Variants in TMEM181 observed in about 807,000 individuals in gnomAD.
The protein encoded by TMEM181 is G protein-coupled receptor 178.
Under a neutral mutation model 71.9 loss-of-function variants are expected in TMEM181, and 39 were observed. The ratio of observed to expected loss-of-function variants is 0.54; its 90% CI spans 0.42 to 0.71. The LOEUF is 0.71. Among genes scored for constraint, TMEM181 ranks in the 30% least tolerant of loss-of-function variants. The probability of loss-of-function intolerance (pLI) is 0.00; values close to 1 mark genes in which losing one functional copy is unlikely to be tolerated. For synonymous variants in TMEM181, 245 were observed against 228.8 expected (o/e 1.07, Z -0.64); for missense variants, 595 against 583.0 (o/e 1.02, Z -0.21).
At chr6:158,555,370 C>T (rs1460340030), upstream of TMEM181, among the ~76,000 whole-genome samples, 1 of 152,124 alleles carries the variant, frequency 6.6e-6, no homozygotes, top group Non-Finnish European at 1.5e-5. Flanking sequence ...AATTATTAGT[C>T]AGGCAAAACT....
intron 1 of TMEM181, among the ~76,000 whole-genome samples, chr6:158,538,505 A>G (rs868163136): frequency 2.0e-5 from 3 of 150,402 alleles, no homozygotes; most frequent in Middle Eastern, 3.4e-3. Context: ...CTTTGGCAAC[A>G]CAGCTAGTGA....
At chr6:158,549,206 C>T (rs1220321527) in intron 1 of TMEM181, among the ~76,000 whole-genome samples, 1 of 151,246 alleles carries the variant, frequency 6.6e-6, no homozygotes, top group Non-Finnish European at 1.5e-5. Flanking sequence ...CAACCTCCGC[C>T]TCCCGGGTTC....
intron 1 of TMEM181, among the ~76,000 whole-genome samples, chr6:158,543,984 G>T (rs1199172798): frequency 6.6e-6 from 1 of 152,164 alleles, no homozygotes; most frequent in Non-Finnish European, 1.5e-5. Context: ...GCTTAGATCG[G>T]CCGCTGTGCT....
chr6:158,572,278 G>A, intron 1 of TMEM181: 1 of 397,448 alleles, frequency 2.5e-6, no homozygotes, highest in Non-Finnish European at 5.1e-6. Context: ...GGACCGTGAA[G>A]CCAGTAACCT....
At chr6:158,626,740 A>T in intron 13 of TMEM181, 1 of 451,772 alleles carries the variant, frequency 2.2e-6, no homozygotes. Context: ...TCTCATACAC[A>T]TGGCCATACA....
At chr6:158,537,109 C>T (rs1338829021) in intron 1 of TMEM181, among the ~76,000 whole-genome samples, 1 of 151,956 alleles carries the variant, frequency 6.6e-6, no homozygotes, top group Admixed American at 6.6e-5. Flanking sequence ...CCGGCGCCCC[C>T]GGGCGAAGGG....
At chr6:158,540,896 C>G (rs887048628) in intron 1 of TMEM181, among the ~76,000 whole-genome samples, 1 of 152,178 alleles carries the variant, frequency 6.6e-6, no homozygotes, top group African/African-American at 2.4e-5. Context: ...GTAGCTGGTA[C>G]TACAGGCATG....
rs565231781 is a variant in TMEM181, at chr6:158,564,220, A to C, written c.8+3988A>C. ...AGGTTACTTGAAAAGGAAAGATTTTAGTGAGGGGCCAAACAGTGAATGTGA... is the reference window on the plus strand; with the variant it reads ...AGGTTACTTGAAAAGGAAAGATTTTCGTGAGGGGCCAAACAGTGAATGTGA... On this transcript the variant is annotated intron_variant, in intron 1 of 16. Coordinates refer to ENST00000684151, the MANE Select transcript of TMEM181 (RefSeq NM_001376852.1). Among the ~76,000 whole-genome samples the C allele has an allele frequency of 3.3e-5, 5 of 152,328 alleles. No homozygotes were observed. The South Asian group carries it at 1.0e-3, about 32-fold the overall frequency.
At chr6:158,626,648 T>G in intron 13 of TMEM181, 1 of 457,146 alleles carries the variant, frequency 2.2e-6, no homozygotes, top group Non-Finnish European at 4.4e-6. Context: ...TCATTCAGCA[T>G]CAAAAGTCAC....
At chr6:158,612,311 C>T (rs1785377280) in intron 10 of TMEM181, among the ~76,000 whole-genome samples, 3 of 152,168 alleles carry the variant, frequency 2.0e-5, no homozygotes, top group Admixed American at 2.0e-4. Context: ...ATTCCAGACC[C>T]TATAGTTATA....
intron 5 of TMEM181, among the ~76,000 whole-genome samples, chr6:158,587,896 C>T (rs897095181): frequency 2.6e-5 from 4 of 152,188 alleles, no homozygotes; most frequent in African/African-American, 7.2e-5. Flanking sequence ...CTTAAACTCG[C>T]AAGAGATGTT....
Position 158,620,134 on chromosome 6 carries a change from G to A in TMEM181, c.897-3416G>A, listed in dbSNP as rs370712878. Among the ~76,000 whole-genome samples, 1 of 152,158 alleles carries A rather than the reference G, an allele frequency of 6.6e-6. No homozygotes were observed. Among genetic ancestry groups the A allele is most frequent in the African/African-American group, 2.4e-5 (1 of 41,428 alleles). On this transcript the variant is annotated intron_variant, in intron 10 of 16. Transcript: ENST00000684151. The surrounding 1 kb of genome is among the most constrained non-coding windows in gnomAD (Gnocchi z 4.5). ...GGAGTCCCTGTGAGCCAAGTTTGGC[G>A]AGGTTGTGAAGGAGACAGCCCAGAG...
Position 158,623,586 on chromosome 6 carries a change from A to G in TMEM181, c.933A>G (p.Arg311=). The G allele has an allele frequency of 6.3e-7, 1 of 1,584,964 alleles. No homozygotes were observed. The change falls in exon 11 of 17, where the codon CGA becomes CGG. Residue 311 remains arginine, a synonymous_variant. Transcript: ENST00000684151. ...TACATGATCCAATGTACCAGTATCG[A>G]GTTGATACCGGAAATTTTCAGGTAA... ...NELHDPMYQY[R]VDTGNFQGMK...
chr6:158,552,230 G>T (rs1781743242), intron 1 of TMEM181, among the ~76,000 whole-genome samples: 1 of 152,114 alleles, frequency 6.6e-6, no homozygotes, highest in South Asian at 2.1e-4. Context: ...TTTTAGGCCA[G>T]TTACCAAAAG....
intron 1 of TMEM181, among the ~76,000 whole-genome samples, chr6:158,561,765 G>A (rs890244092): frequency 1.3e-5 from 2 of 152,016 alleles, no homozygotes; most frequent in African/African-American, 4.8e-5. Flanking sequence ...AGCTGTAAGC[G>A]CTTTGTGCCT....
chr6:158,624,967 T>G, intron 11 of TMEM181, 137 bp from the exon 12 acceptor site: 6 of 717,016 alleles, frequency 8.4e-6, no homozygotes, highest in South Asian at 1.6e-5. Context: ...TGGGAGCCCA[T>G]TGTTCTGCTT....
In TMEM181 at chr6:158,585,441, G is replaced by A; in HGVS notation, c.381+16G>A. On this transcript the variant is annotated intron_variant, in intron 5 of 16. Coordinates refer to ENST00000684151, the MANE Select transcript of TMEM181 (RefSeq NM_001376852.1). ...ATGTGCAGGGGTGAGTGTGTGGGGT[G>A]AGCCCCACAGTCAGTCCTCAGGCTG... The A allele has an allele frequency of 6.4e-7, 1 of 1,562,108 alleles. No homozygotes were observed. The highest frequency in any genetic ancestry group is 1.2e-5 in the South Asian group (1 of 82,752).
chr6:158,605,178 A>G lies in TMEM181; in HGVS notation c.493-89A>G, dbSNP rs892844733. 3.1e-6 allele frequency: 3 copies of G among 959,596 alleles called. No individual in the cohort carries two copies. The African/African-American group carries it at 4.9e-5, about 16-fold the overall frequency. 59.4% of individuals were successfully genotyped at this position (959,596 alleles called of 1,614,324 possible). A position where few individuals can be genotyped will look rare whatever the true frequency, so the allele number is the denominator to read the frequency against. ...TGTGTGTATGTGTATATATTGTCTC[A>G]TCTAGAGATAACTATTAGTAATCTG... On this transcript the variant is annotated intron_variant, in intron 6 of 16. Transcript: ENST00000684151.
chr6:158,618,447 A>G (rs964575135), intron 10 of TMEM181, among the ~76,000 whole-genome samples: 5 of 152,102 alleles, frequency 3.3e-5, no homozygotes, highest in South Asian at 2.1e-4. Context: ...TCTTTATCCA[A>G]TTTGCCAGTC....
Sources: gnomAD v4.1 joint callset for allele counts (sites outside exome capture counted in the v4.1 genomes callset) on GRCh38, gnomAD v4.1.1 for gene constraint, Gnocchi (gnomAD v3.1) non-coding constraint, MANE v1.5 for transcripts, NCBI Gene and HGNC (gene_info 2026-07-23, HGNC 2026-07-21) for gene names.